CNTNAP2: variants seen among roughly 807,000 people sequenced by gnomAD.
CNTNAP2 encodes the protein contactin associated protein 2.
A neutral mutation model predicts 155.2 loss-of-function variants in CNTNAP2; 98 were observed. The observed-to-expected ratio is 0.63, with a 90% CI of 0.54 to 0.75. The LOEUF is 0.75. Ranked by LOEUF, CNTNAP2 falls within the 30% of genes least tolerant of loss-of-function variation. The probability of loss-of-function intolerance (pLI) is 0.00; values close to 1 mark genes in which losing one functional copy is unlikely to be tolerated. For missense variants in CNTNAP2, 1,727 were observed against 1,688.1 expected (o/e 1.02, Z -0.40); for synonymous variants, 651 against 631.2 (o/e 1.03, Z -0.47).
chr7:147,700,394 G>A (rs889933190), intron 13 of CNTNAP2, among the ~76,000 whole-genome samples: 12 of 152,152 alleles, frequency 7.9e-5, no homozygotes, highest in Non-Finnish European at 1.3e-4. Flanking sequence ...ACCCAGGTGC[G>A]TGTAACTGCA....
intron 1 of CNTNAP2, among the ~76,000 whole-genome samples, chr7:146,277,373 G>A (rs900922558): frequency 3.9e-5 from 6 of 152,126 alleles, no homozygotes; most frequent in Non-Finnish European, 7.4e-5. Flanking sequence ...AGTCATGAAC[G>A]GCAGCTTGCA....
chr7:146,479,771 T>C (rs1322405356), intron 1 of CNTNAP2, among the ~76,000 whole-genome samples: 2 of 152,016 alleles, frequency 1.3e-5, no homozygotes, highest in African/African-American at 4.8e-5. Flanking sequence ...TATAGCTCCA[T>C]ATATTTTATT....
chr7:148,347,978 G>T (rs1296008823), intron 21 of CNTNAP2, among the ~76,000 whole-genome samples: 2 of 152,102 alleles, frequency 1.3e-5, no homozygotes, highest in African/African-American at 4.8e-5. Flanking sequence ...TACTCAGTGC[G>T]TCTGTGTCTG....
chr7:148,272,913 G>A (rs901040652), intron 21 of CNTNAP2, among the ~76,000 whole-genome samples: 1 of 152,194 alleles, frequency 6.6e-6, no homozygotes, highest in African/African-American at 2.4e-5. Flanking sequence ...AATATGATTT[G>A]AGAGACGAGA....
intron 7 of CNTNAP2, among the ~76,000 whole-genome samples, chr7:147,130,116 A>T (rs1584744011): frequency 1.3e-5 from 2 of 152,122 alleles, no homozygotes; most frequent in African/African-American, 4.8e-5. Flanking sequence ...AGTAGGAGAT[A>T]AAAAGATAGA....
Position 146,568,565 on chromosome 7 carries a change from A to G in CNTNAP2, c.98-205706A>G, listed in dbSNP as rs76790729. Among the ~76,000 whole-genome samples the G allele has an allele frequency of 1.3e-3, 203 of 152,310 alleles. 5 individuals carry two copies. In the East Asian group the frequency reaches 0.035, roughly 26 times the overall value. ...AATATTTGTTCCTATGTTCTACTCT[A>G]AATTATGCAGGTTTAAAATCTTTCT... is the stretch of plus-strand genomic sequence containing the variant. On this transcript the variant is annotated intron_variant, in intron 1 of 23. Coordinates refer to ENST00000361727, the MANE Select transcript of CNTNAP2 (RefSeq NM_014141.6).
At chr7:148,127,040 C>T (rs1804730675) in intron 16 of CNTNAP2, among the ~76,000 whole-genome samples, 1 of 152,160 alleles carries the variant, frequency 6.6e-6, no homozygotes, top group Non-Finnish European at 1.5e-5. Flanking sequence ...CACGGTGGCT[C>T]ATGCCTATAA....
chr7:147,469,500 G>C (rs1372001542), intron 10 of CNTNAP2, among the ~76,000 whole-genome samples: 1 of 102,590 alleles, frequency 9.7e-6, no homozygotes, highest in African/African-American at 3.6e-5. Context: ...AGGATGTCAG[G>C]CTGCAATTTT....
intron 3 of CNTNAP2, among the ~76,000 whole-genome samples, chr7:146,862,709 TTAAAC>T (rs770245473): frequency 8.5e-5 from 13 of 152,236 alleles, no homozygotes; most frequent in Non-Finnish European, 1.8e-4. Context: ...CTGAGTTTTC[TTAAAC>T]TAAACTTGGC....
intron 1 of CNTNAP2, among the ~76,000 whole-genome samples, chr7:146,427,887 C>T (rs542968751): frequency 4.4e-4 from 67 of 152,242 alleles, no homozygotes; most frequent in African/African-American, 1.6e-3. Flanking sequence ...TCCTGATGCT[C>T]TCCATCCCCC....
intron 21 of CNTNAP2, among the ~76,000 whole-genome samples, chr7:148,269,753 T>G (rs898014509): frequency 6.6e-6 from 1 of 152,168 alleles, no homozygotes; most frequent in African/African-American, 2.4e-5. Flanking sequence ...AAGTGGCTGT[T>G]TAGTGGAGTA....
intron 21 of CNTNAP2, among the ~76,000 whole-genome samples, chr7:148,323,878 C>T (rs1797843209): frequency 7.3e-6 from 1 of 136,204 alleles, no homozygotes; most frequent in South Asian, 2.3e-4. Context: ...TCTCTGAAGC[C>T]CCATTTTTTT....
intron 2 of CNTNAP2, among the ~76,000 whole-genome samples, chr7:146,824,992 A>G (rs984963780): frequency 7.9e-5 from 12 of 152,016 alleles, no homozygotes; most frequent in African/African-American, 2.9e-4. Context: ...TACATGAAGA[A>G]TTGATATCTC....
At chr7:148,259,278 C>A (rs931174988) in intron 20 of CNTNAP2, among the ~76,000 whole-genome samples, 2 of 146,056 alleles carry the variant, frequency 1.4e-5, no homozygotes, top group East Asian at 4.1e-4. Context: ...ATCACTTGAG[C>A]CTGAGAAGTG....
At chr7:148,245,487 G>A (rs1254381958) in intron 20 of CNTNAP2, among the ~76,000 whole-genome samples, 2 of 152,306 alleles carry the variant, frequency 1.3e-5, no homozygotes, top group East Asian at 1.9e-4. Flanking sequence ...TATTCTGCGC[G>A]CTGCTCTTCC....
chr7:147,873,692 A>G (rs1420577271), intron 13 of CNTNAP2, among the ~76,000 whole-genome samples: 1 of 152,146 alleles, frequency 6.6e-6, no homozygotes, highest in Non-Finnish European at 1.5e-5. Flanking sequence ...CTCACATTTC[A>G]AAGCCAACCA....
chr7:146,812,492 C>T (rs913396612), intron 2 of CNTNAP2, among the ~76,000 whole-genome samples: 1 of 149,414 alleles, frequency 6.7e-6, no homozygotes, highest in African/African-American at 2.5e-5. Context: ...GGTACATGTG[C>T]ACAACATGCC....
At chr7:147,860,603 A>AAAAAAAAAAAAAAAG (rs1554442605) in intron 13 of CNTNAP2, among the ~76,000 whole-genome samples, 1 of 151,034 alleles carries the variant, frequency 6.6e-6, no homozygotes, top group Non-Finnish European at 1.5e-5. Context: ...AAAAAAAAAA[A>AAAAAAAAAAAAAAAG]GTGTTTGGCA....
chr7:147,047,426 T>C (rs1799387535), intron 4 of CNTNAP2, among the ~76,000 whole-genome samples: 3 of 151,834 alleles, frequency 2.0e-5, no homozygotes, highest in African/African-American at 7.3e-5. Context: ...ACGTATACCT[T>C]TTTTTTAAGT....
Sources: gnomAD v4.1 joint callset for allele counts (sites outside exome capture counted in the v4.1 genomes callset) on GRCh38, gnomAD v4.1.1 for gene constraint, MANE v1.5 for transcripts, NCBI Gene and HGNC (gene_info 2026-07-23, HGNC 2026-07-21) for gene names.